The following ZNF2 variants were observed in gnomAD, a reference collection of about 807,000 sequenced individuals.
ZNF2 encodes the protein zinc finger protein 2.2.
Under a neutral mutation model 21.9 loss-of-function variants are expected in ZNF2, and 12 were observed. That is an observed-to-expected ratio of 0.55 (90% CI 0.35 to 0.89). The LOEUF (loss-of-function observed/expected upper bound fraction) is 0.89, where lower values mean the gene tolerates loss of function less well. ZNF2 is among the 40% of genes least tolerant of loss of function. ZNF2 has a pLI of 0.01. For missense variants in ZNF2, 462 were observed against 544.2 expected (o/e 0.85, Z 1.50); for synonymous variants, 186 against 196.3 (o/e 0.95, Z 0.44).
In ZNF2 at chr2:95,177,466, T is replaced by C. The variant is rs758691313; in HGVS notation, c.34-17T>C. 5.6e-6 allele frequency: 9 copies of C among 1,612,562 alleles called. No homozygotes were observed. The highest frequency in any genetic ancestry group is 7.6e-6 in the Non-Finnish European group (9 of 1,179,178). On this transcript the variant is annotated splice_polypyrimidine_tract_variant and intron_variant, in intron 2 of 4. Coordinates refer to ENST00000614034, the MANE Select transcript of ZNF2 (RefSeq NM_021088.4). ...GAGAAGGATTAAGAGTAAGGGAGAA[T>C]GTGATTGTATTTTCAGGAATCAGTG...
rs373657416 is a variant in ZNF2 at position 95,181,885 on chromosome 2, C to T, written c.1057C>T (p.Arg353Cys). 1.4e-5 allele frequency: 22 copies of T among 1,613,958 alleles called. No individual in the cohort carries two copies. Among genetic ancestry groups the T allele is most frequent in the Middle Eastern group, 1.6e-4 (1 of 6,084 alleles). The change falls in exon 5 of 5, where the codon CGC (arginine) becomes TGC (cysteine). Residue 353 changes from arginine (R) to cysteine (C), a missense_variant. Arg to Cys is a radical substitution (Grantham distance 180). Transcript: ENST00000614034. Reference sequence around the variant, plus strand: ...CGAGTGTGGCAAAGCTTTCTTTGACCGCTCATCCCTTACACAGCATCAGAA... The same window carrying T: ...CGAGTGTGGCAAAGCTTTCTTTGACTGCTCATCCCTTACACAGCATCAGAA... ...CNECGKAFFDRSSLTQHQKIH... is the reference protein window; with the variant it reads ...CNECGKAFFDCSSLTQHQKIH...
In ZNF2 at chr2:95,181,919, C is replaced by G. The variant is rs545220328; in HGVS notation, c.1091C>G (p.Thr364Ser). Residue 364 changes from threonine to serine, a missense_variant, in exon 5 of 5, where the codon ACT becomes AGT. Thr to Ser is a moderately conservative substitution (Grantham distance 58). Transcript: ENST00000614034. ...CTTACACAGCATCAGAAGATCCACA[C>G]TGGAGACAAGCCATATGAATGCAGC... ...SSLTQHQKIH[T>S]GDKPYECSEC... 5.2e-5 allele frequency: 84 copies of G among 1,614,282 alleles called. No individual in the cohort carries two copies. In the South Asian group the frequency reaches 9.0e-4, roughly 17 times the overall value.
In ZNF2 at chr2:95,183,285, A is replaced by T. The variant is rs1674744748; in HGVS notation, c.*1179A>T. On this transcript the variant is annotated 3_prime_UTR_variant, in exon 5 of 5. Transcript: ENST00000614034. ...GGAAGAGAAAGCTAGAGGAATTTGT[A>T]GGATATTTTCTTAGACCCAGGCTTA... is the stretch of plus-strand genomic sequence containing the variant. The T allele has an allele frequency of 6.6e-6, 1 of 152,258 alleles. No individual in the cohort carries two copies. The highest frequency in any genetic ancestry group is 2.4e-5 in the African/African-American group (1 of 41,472). The allele number at this position is 152,258 out of a possible 1,614,324, so 9.4% of individuals were successfully genotyped here.
chr2:95,167,505 C>CAA (rs756206050), intron 1 of ZNF2, among the ~76,000 whole-genome samples: 160 of 44,712 alleles, frequency 3.6e-3, no homozygotes, highest in Middle Eastern at 0.011. Flanking sequence ...GACTCAGTCT[C>CAA]AAAAAAAAAA....
intron 2 of ZNF2, among the ~76,000 whole-genome samples, chr2:95,177,124 A>G (rs1674473619): frequency 6.6e-6 from 1 of 152,254 alleles, no homozygotes; most frequent in African/African-American, 2.4e-5. Context: ...ACAAAAAGAT[A>G]GGAGAATGTG....
At chr2:95,166,512 C>T (rs1336379765) in intron 1 of ZNF2, among the ~76,000 whole-genome samples, 1 of 152,096 alleles carries the variant, frequency 6.6e-6, no homozygotes, top group Non-Finnish European at 1.5e-5. Context: ...GATCCAGGGA[C>T]TGACACGAAT....
rs917063258 is a variant in ZNF2 at position 95,183,377 on chromosome 2, C to T, written c.*1271C>T. On this transcript the variant is annotated 3_prime_UTR_variant, in exon 5 of 5. Coordinates refer to ENST00000614034, the MANE Select transcript of ZNF2 (RefSeq NM_021088.4). ...TAGAAGCTAGGAAAGTAAACAAGCA[C>T]CTCGAAAGTTGGTTAATACCAAGAA... The T allele has an allele frequency of 1.3e-5, 2 of 152,160 alleles. No individual in the cohort carries two copies. Among genetic ancestry groups the T allele is most frequent in the African/African-American group, 4.8e-5 (2 of 41,420 alleles). 9.4% of individuals were successfully genotyped at this position (152,160 alleles called of 1,614,324 possible).
At chr2:95,175,294 G>C (rs1329212060) in intron 1 of ZNF2, among the ~76,000 whole-genome samples, 1 of 152,184 alleles carries the variant, frequency 6.6e-6, no homozygotes, top group Non-Finnish European at 1.5e-5. Context: ...GGCAATCTAT[G>C]AATAAATAAG....
intron 1 of ZNF2, among the ~76,000 whole-genome samples, chr2:95,167,876 G>A (rs1035326659): frequency 2.0e-5 from 3 of 151,408 alleles, no homozygotes; most frequent in South Asian, 2.1e-4. Context: ...TAGTTTTCAA[G>A]CATGCCATTT....
At chr2:95,167,576 G>A (rs1219220417) in intron 1 of ZNF2, among the ~76,000 whole-genome samples, 1 of 151,500 alleles carries the variant, frequency 6.6e-6, no homozygotes, top group African/African-American at 2.4e-5. Flanking sequence ...GGCCAGGTGC[G>A]GTAGCTCATG....
chr2:95,180,984 C>A, intron 4 of ZNF2, 119 bp from the exon 5 acceptor site: 1 of 1,250,312 alleles, frequency 8.0e-7, no homozygotes, highest in Non-Finnish European at 1.1e-6. Flanking sequence ...GTAAGACTAT[C>A]TATGGGAGCA....
At chr2:95,167,872 T>C (rs1674136354) in intron 1 of ZNF2, among the ~76,000 whole-genome samples, 1 of 151,552 alleles carries the variant, frequency 6.6e-6, no homozygotes, top group African/African-American at 2.4e-5. Context: ...AAAGTAGTTT[T>C]CAAGCATGCC....
At chr2:95,172,071 C>A (rs747940474) in intron 1 of ZNF2, among the ~76,000 whole-genome samples, 18 of 152,174 alleles carry the variant, frequency 1.2e-4, no homozygotes, top group Admixed American at 3.9e-4. Context: ...GAGCACACTC[C>A]TTCCCCCAGC....
chr2:95,178,068 T>C lies in ZNF2; in HGVS notation c.160+459T>C, dbSNP rs115361212. On this transcript the variant is annotated intron_variant, in intron 3 of 4. Transcript: ENST00000614034. ...TCTTGTCGGAATTCAGGGTTGTGCC[T>C]CTGAGGTCACCAGATATATGTTTGA... Among the ~76,000 whole-genome samples the C allele has an allele frequency of 1.0e-3, 156 of 152,316 alleles. 3 individuals carry two copies. Among genetic ancestry groups the C allele is most frequent in the African/African-American group, 3.2e-3 (135 of 41,582 alleles).
At chr2:95,174,934 T>C (rs930948613) in intron 1 of ZNF2, among the ~76,000 whole-genome samples, 1 of 152,220 alleles carries the variant, frequency 6.6e-6, no homozygotes, top group Non-Finnish European at 1.5e-5. Context: ...GAATGGTCAG[T>C]GCACCGCAAA....
In ZNF2 at chr2:95,183,576, G is replaced by A. The variant is rs1418439146; in HGVS notation, c.*1470G>A. The A allele has an allele frequency of 1.3e-5, 2 of 148,424 alleles. No homozygotes were observed. The highest frequency in any genetic ancestry group is 5.0e-5 in the African/African-American group (2 of 39,954). 9.2% of individuals were successfully genotyped at this position (148,424 alleles called of 1,614,324 possible). On this transcript the variant is annotated 3_prime_UTR_variant, in exon 5 of 5. Transcript: ENST00000614034. The stretch of plus-strand genomic sequence containing the variant: ...TCCCCATTGCTGAATTTTACCTCCT[G>A]ACTCCAAAAACTCTTCTCTTCCCTG...
rs117696068 is a variant in ZNF2, at chr2:95,179,620, A to G, written c.161-539A>G. ...CAGGGAAGAATAAACACGTGAATCT[A>G]CACGGGTTCTCTCAACCTTCTGACC... On this transcript the variant is annotated intron_variant, in intron 3 of 4. Transcript: ENST00000614034. 5.3e-4 allele frequency among the ~76,000 whole-genome samples: 81 copies of G among 152,314 alleles called. No homozygotes were observed. The East Asian group carries it at 0.014, about 26-fold the overall frequency.
chr2:95,172,488 A>G (rs1467398309), intron 1 of ZNF2, among the ~76,000 whole-genome samples: 6 of 152,210 alleles, frequency 3.9e-5, no homozygotes, highest in Non-Finnish European at 1.5e-5. Context: ...TATATGAAGA[A>G]TGGTAAGAAA....
chr2:95,170,928 A>T (rs901709635), intron 1 of ZNF2, among the ~76,000 whole-genome samples: 1 of 152,246 alleles, frequency 6.6e-6, no homozygotes, highest in African/African-American at 2.4e-5. Context: ...TTACATACTT[A>T]TATGAGTAGA....
Sources: allele counts gnomAD v4.1 joint callset (sites outside exome capture counted in the v4.1 genomes callset), GRCh38; gene constraint gnomAD v4.1.1; transcripts MANE v1.5; gene names NCBI Gene and HGNC (gene_info 2026-07-23, HGNC 2026-07-21).